PLXDC2: variants seen among roughly 807,000 people sequenced by gnomAD.
PLXDC2 encodes plexin domain-containing protein 2.
In PLXDC2, 40 loss-of-function variants were observed where a neutral mutation model predicts 68.9. The ratio of observed to expected loss-of-function variants is 0.58; its 90% CI spans 0.45 to 0.76. PLXDC2 has a LOEUF of 0.76. PLXDC2 is among the 30% of genes least tolerant of loss of function. PLXDC2 has a pLI of 0.00. For missense variants in PLXDC2, 644 were observed against 661.9 expected (o/e 0.97, Z 0.30); for synonymous variants, 243 against 234.2 (o/e 1.04, Z -0.34).
chr10:20,015,937 C>G (rs948328907), intron 2 of PLXDC2, among the ~76,000 whole-genome samples: 2 of 152,176 alleles, frequency 1.3e-5, no homozygotes, highest in African/African-American at 4.8e-5. Context: ...AACTCATATA[C>G]TAGTAACGAC....
intron 1 of PLXDC2, among the ~76,000 whole-genome samples, chr10:19,935,959 T>C (rs1227936667): frequency 6.6e-6 from 1 of 152,240 alleles, no homozygotes; most frequent in Non-Finnish European, 1.5e-5. Flanking sequence ...CATCAGCATC[T>C]GTTGTAAATC....
chr10:20,237,995 A>T (rs1835456925), intron 12 of PLXDC2, among the ~76,000 whole-genome samples: 1 of 152,244 alleles, frequency 6.6e-6, no homozygotes, highest in Non-Finnish European at 1.5e-5. Flanking sequence ...CATTTTGGCA[A>T]TGCATTAAAA....
intron 1 of PLXDC2, among the ~76,000 whole-genome samples, chr10:19,943,593 A>G (rs536295984): frequency 7.9e-5 from 12 of 152,238 alleles, no homozygotes; most frequent in Non-Finnish European, 1.8e-4. Context: ...TGTGCGTTGT[A>G]AAACATTAGA....
intron 11 of PLXDC2, among the ~76,000 whole-genome samples, chr10:20,217,991 T>C (rs1835162936): frequency 6.6e-6 from 1 of 152,150 alleles, no homozygotes; most frequent in South Asian, 2.1e-4. Context: ...AATAATTCTA[T>C]TAATATATAA....
intron 4 of PLXDC2, among the ~76,000 whole-genome samples, chr10:20,097,109 A>T (rs1833359886): frequency 6.6e-6 from 1 of 152,116 alleles, no homozygotes; most frequent in South Asian, 2.1e-4. Flanking sequence ...AGTGCTTTGA[A>T]TTGATCTAGA....
At chr10:20,147,449 G>A (rs1436176154) in intron 5 of PLXDC2, among the ~76,000 whole-genome samples, 4 of 152,014 alleles carry the variant, frequency 2.6e-5, no homozygotes, top group Non-Finnish European at 5.9e-5. Context: ...AATCCACTTG[G>A]GCTGCATTTT....
chr10:20,278,984 AG>A (rs1392168018), intron 13 of PLXDC2, among the ~76,000 whole-genome samples: 7 of 152,230 alleles, frequency 4.6e-5, no homozygotes, highest in Non-Finnish European at 7.3e-5. Flanking sequence ...AGTGCTGAGA[AG>A]AAATGCTCTC....
Position 20,039,944 on chromosome 10 carries a change from T to A in PLXDC2, c.325-6925T>A, listed in dbSNP as rs571355931. On this transcript the variant is annotated intron_variant, in intron 2 of 13. Transcript: ENST00000377252. ...TCTAAAACTGAGATTATAGCGTAAG[T>A]GCTGAGAAATAAAAATAAAATTCTA... Among the ~76,000 whole-genome samples the A allele has an allele frequency of 4.6e-5, 7 of 152,284 alleles. No homozygotes were observed. The South Asian group carries it at 1.5e-3, about 32-fold the overall frequency.
chr10:20,258,808 C>A (rs142817256), intron 13 of PLXDC2, among the ~76,000 whole-genome samples: 1 of 151,922 alleles, frequency 6.6e-6, no homozygotes, highest in African/African-American at 2.4e-5. Flanking sequence ...GAGATCGAGA[C>A]CATCCTGGCT....
chr10:20,153,282 T>C (rs1305226860), intron 6 of PLXDC2, among the ~76,000 whole-genome samples: 1 of 152,202 alleles, frequency 6.6e-6, no homozygotes, highest in African/African-American at 2.4e-5. Flanking sequence ...AGTCATGTAT[T>C]GAAAAGAAAG....
At chr10:19,874,105 A>C (rs1223254478) in intron 1 of PLXDC2, among the ~76,000 whole-genome samples, 1 of 152,164 alleles carries the variant, frequency 6.6e-6, no homozygotes, top group East Asian at 1.9e-4. Flanking sequence ...TTTTCTAGCA[A>C]AGTTCAGCAA....
chr10:19,834,962 G>A (rs192954726), intron 1 of PLXDC2, among the ~76,000 whole-genome samples: 13 of 152,202 alleles, frequency 8.5e-5, no homozygotes, highest in Non-Finnish European at 1.5e-4. Flanking sequence ...AGAGAGTCAG[G>A]GAAGGCTTCC....
At chr10:19,885,001 C>G (rs1202651321) in intron 1 of PLXDC2, among the ~76,000 whole-genome samples, 5 of 152,208 alleles carry the variant, frequency 3.3e-5, no homozygotes, top group African/African-American at 4.8e-5. Flanking sequence ...TCTCCACATC[C>G]TCTCCAGCAC....
intron 7 of PLXDC2, among the ~76,000 whole-genome samples, chr10:20,168,201 T>G (rs1589662728): frequency 6.6e-6 from 1 of 152,194 alleles, no homozygotes; most frequent in East Asian, 1.9e-4. Flanking sequence ...GTAAAGCAAG[T>G]ATAAGGAATA....
rs978471938 is a variant in PLXDC2 at position 19,897,462 on chromosome 10, C to T, written c.112+80271C>T. ...GTTTCTCCACGTTAGTCAGGCTGGT[C>T]TCGAACTCCCAACCTCAGGTGATCC... On this transcript the variant is annotated intron_variant, in intron 1 of 13. Transcript: ENST00000377252. 5.1e-4 allele frequency among the ~76,000 whole-genome samples: 77 copies of T among 152,108 alleles called. 1 individual carries two copies. Among genetic ancestry groups the T allele is most frequent in the African/African-American group, 1.8e-3 (74 of 41,518 alleles).
At chr10:19,976,590 A>G (rs544562483) in intron 1 of PLXDC2, among the ~76,000 whole-genome samples, 2 of 152,272 alleles carry the variant, frequency 1.3e-5, no homozygotes, top group Admixed American at 6.5e-5. Flanking sequence ...AGCTGCCATC[A>G]GCGTACAAAA....
chr10:19,891,399 A>G (rs1289450924), intron 1 of PLXDC2, among the ~76,000 whole-genome samples: 5 of 116,490 alleles, frequency 4.3e-5, no homozygotes, highest in Admixed American at 3.4e-4. Context: ...GCCTCTTTCT[A>G]TTTTCTCCCT....
intron 4 of PLXDC2, among the ~76,000 whole-genome samples, chr10:20,118,397 C>A (rs1833650864): frequency 6.6e-6 from 1 of 152,090 alleles, no homozygotes; most frequent in Non-Finnish European, 1.5e-5. Context: ...GAGTATATGG[C>A]AAACACAACT....
rs564663282 is a variant in PLXDC2, at chr10:20,221,558, G to C, written c.1312+2456G>C. On this transcript the variant is annotated intron_variant, in intron 12 of 13. Coordinates refer to ENST00000377252, the MANE Select transcript of PLXDC2 (RefSeq NM_032812.9). Reference sequence around the variant, plus strand: ...AGCCTGACTAGTGTTAAGATAAACGGTTCTTCAAAAGGGTACTTAAGGGAA... The same window carrying C: ...AGCCTGACTAGTGTTAAGATAAACGCTTCTTCAAAAGGGTACTTAAGGGAA... Among the ~76,000 whole-genome samples, 4 of 152,274 alleles carry C rather than the reference G, an allele frequency of 2.6e-5. No homozygotes were observed. In the East Asian group the frequency reaches 7.7e-4, roughly 29 times the overall value.
Sources: gnomAD v4.1 joint callset for allele counts (sites outside exome capture counted in the v4.1 genomes callset) on GRCh38, gnomAD v4.1.1 for gene constraint, MANE v1.5 for transcripts, NCBI Gene and HGNC (gene_info 2026-07-23, HGNC 2026-07-21) for gene names.